The following CAST variants were observed in gnomAD, a reference collection of about 807,000 sequenced individuals.
CAST encodes MIR583 host.
A neutral mutation model predicts 119.6 loss-of-function variants in CAST; 76 were observed. The observed-to-expected ratio is 0.64, with a 90% confidence interval of 0.53 to 0.77. CAST has a LOEUF of 0.77. Ranked by LOEUF, CAST falls within the 30% of genes least tolerant of loss-of-function variation. CAST has a pLI of 0.00. For missense variants in CAST, 953 were observed against 946.5 expected (o/e 1.01, Z -0.09); for synonymous variants, 319 against 331.6 (o/e 0.96, Z 0.41).
At chr5:96,400,052 A>G in the CAST span, 1 of 1,614,156 alleles carries the variant, frequency 6.2e-7, no homozygotes, top group Non-Finnish European at 8.5e-7. Context: ...TTTGGCATTT[A>G]GCAAGCCAAA....
intron 1 of CAST, among the ~76,000 whole-genome samples, chr5:96,599,407 A>G (rs1016991022): frequency 3.3e-5 from 5 of 152,230 alleles, no homozygotes; most frequent in Non-Finnish European, 7.3e-5. Flanking sequence ...TCTCAAATCA[A>G]GTGGAATATA....
chr5:96,771,651 A>G lies in CAST; in HGVS notation c.2348A>G (p.Glu783Gly). The G allele has an allele frequency of 6.2e-7, 1 of 1,612,226 alleles. No homozygotes were observed. The highest frequency in any genetic ancestry group is 8.5e-7 in the Non-Finnish European group (1 of 1,178,664). The change falls in exon 31 of 32, where the codon GAG (glutamate) becomes GGG (glycine). Residue 783 changes from glutamate to glycine, a missense_variant. By Grantham distance (98) the Glu-to-Gly change is moderately conservative. Transcript: ENST00000675179. ...GKAKDSAKTTEETSKPKDD is the reference protein window; with the variant it reads ...GKAKDSAKTTGETSKPKDD The stretch of plus-strand genomic sequence containing the variant: ...TTTTGCTTTCCCTTTTAGACAACAG[A>G]GGAAACTTCCAAGCCAAAAGATGAC...
At chr5:96,611,223 G>A (rs1191611230) in intron 1 of CAST, among the ~76,000 whole-genome samples, 1 of 152,114 alleles carries the variant, frequency 6.6e-6, no homozygotes, top group Admixed American at 6.5e-5. Flanking sequence ...AAAGACTACA[G>A]TAACCAAAAC....
At chr5:96,462,361 C>A in the CAST span, among the ~76,000 whole-genome samples, 1 of 151,838 alleles carries the variant, frequency 6.6e-6, no homozygotes, top group Non-Finnish European at 1.5e-5. Context: ...CACTAAACTA[C>A]AATTTCCACT....
chr5:96,134,301 C>G, the CAST span, among the ~76,000 whole-genome samples: 1 of 152,316 alleles, frequency 6.6e-6, no homozygotes, highest in East Asian at 1.9e-4. Context: ...TTTCTCTAAC[C>G]TCTTTTTGAT....
chr5:96,279,861 G>T, the CAST span, among the ~76,000 whole-genome samples: 1 of 152,216 alleles, frequency 6.6e-6, no homozygotes, highest in Admixed American at 6.5e-5. Context: ...AAGTTCAGTG[G>T]TCCTAGACAC....
the CAST span, among the ~76,000 whole-genome samples, chr5:96,229,655 T>A: frequency 6.6e-6 from 1 of 152,158 alleles, no homozygotes; most frequent in Non-Finnish European, 1.5e-5. Flanking sequence ...ACAGTGAACA[T>A]TATGCATGAT....
intron 9 of CAST, among the ~76,000 whole-genome samples, chr5:96,734,469 G>A (rs757166362): frequency 1.6e-4 from 25 of 152,218 alleles, no homozygotes; most frequent in Non-Finnish European, 3.5e-4. Flanking sequence ...TTAGAGCTGT[G>A]ATAGAATAAG....
At chr5:96,419,310 GATAT>G in the CAST span, among the ~76,000 whole-genome samples, 2 of 142,194 alleles carry the variant, frequency 1.4e-5, no homozygotes, top group African/African-American at 5.2e-5. Flanking sequence ...TATTAAGTGA[GATAT>G]ATATATATAT....
intron 1 of CAST, among the ~76,000 whole-genome samples, chr5:96,651,787 G>A (rs988255371): frequency 1.3e-5 from 2 of 152,194 alleles, no homozygotes; most frequent in Non-Finnish European, 2.9e-5. Context: ...TTACAAAAAT[G>A]TGTTGATATA....
the CAST span, among the ~76,000 whole-genome samples, chr5:96,280,233 A>G: frequency 6.6e-6 from 1 of 152,046 alleles, no homozygotes; most frequent in African/African-American, 2.4e-5. Context: ...TCTGGTACTC[A>G]ACGTTGTGGT....
At chr5:96,495,011 G>A in the CAST span, among the ~76,000 whole-genome samples, 2 of 151,548 alleles carry the variant, frequency 1.3e-5, no homozygotes, top group Non-Finnish European at 2.9e-5. Flanking sequence ...TCAGCTACTC[G>A]GGAAGCTGAG....
At chr5:96,068,337 G>GA in the CAST span, among the ~76,000 whole-genome samples, 1 of 151,976 alleles carries the variant, frequency 6.6e-6, no homozygotes, top group Non-Finnish European at 1.5e-5. Flanking sequence ...TCTTGTCTAG[G>GA]AAAACGGAAT....
At position 96,740,040 on chromosome 5, in the gene CAST, T is replaced by C; in HGVS notation, c.801T>C (p.Asp267=). The C allele has an allele frequency of 1.3e-6, 2 of 1,525,596 alleles. No homozygotes were observed. The highest frequency in any genetic ancestry group is 2.3e-5 in the East Asian group (1 of 44,242). The allele number at this position is 1,525,596 out of a possible 1,614,324, so 94.5% of individuals were successfully genotyped here. Residue 267 remains aspartate (D), a splice_region_variant and synonymous_variant, in exon 12 of 32, where the codon GAT becomes GAC. Transcript: ENST00000675179. ...NTTYTGPEVS[D]PMSSTYIEEL... is the part of the protein sequence containing the mutation. Reference sequence around the variant, plus strand: ...CTATGTGTATGATTTTGTTCCAGGATCCAATGAGTTCCACCTACATAGAGG... The same window carrying C: ...CTATGTGTATGATTTTGTTCCAGGACCCAATGAGTTCCACCTACATAGAGG...
At chr5:96,017,073 T>C in the CAST span, among the ~76,000 whole-genome samples, 2 of 152,114 alleles carry the variant, frequency 1.3e-5, no homozygotes, top group Non-Finnish European at 2.9e-5. Flanking sequence ...CCTGAACTCA[T>C]GATCCACCTG....
At chr5:96,238,369 T>TCTTCTCCTC in the CAST span, among the ~76,000 whole-genome samples, 1 of 144,230 alleles carries the variant, frequency 6.9e-6, no homozygotes, top group Non-Finnish European at 1.5e-5. Context: ...TTCTTCTCCT[T>TCTTCTCCTC]CTTCTCCTTC....
At chr5:96,494,270 A>C in the CAST span, among the ~76,000 whole-genome samples, 21 of 152,230 alleles carry the variant, frequency 1.4e-4, no homozygotes, top group Non-Finnish European at 1.5e-5. Flanking sequence ...AGCTTTCAGT[A>C]TGTATGAAGG....
chr5:96,077,461 G>A, the CAST span, among the ~76,000 whole-genome samples: 38 of 151,992 alleles, frequency 2.5e-4, no homozygotes, highest in Admixed American at 2.5e-3. Context: ...TATTGTTTTT[G>A]CTAGTTGTAT....
At chr5:96,092,710 G>A in the CAST span, among the ~76,000 whole-genome samples, 60 of 152,248 alleles carry the variant, frequency 3.9e-4, no homozygotes, top group African/African-American at 1.4e-3. Context: ...GATTATAAAG[G>A]GAAGACCCTG....
Sources: gnomAD v4.1 joint callset for allele counts (sites outside exome capture counted in the v4.1 genomes callset) on GRCh38, gnomAD v4.1.1 for gene constraint, MANE v1.5 for transcripts, NCBI Gene and HGNC (gene_info 2026-07-23, HGNC 2026-07-21) for gene names.